The following PCDHGC3 variants were observed in gnomAD, a reference collection of about 807,000 sequenced individuals.
PCDHGC3 encodes protocadherin gamma-C3.
In PCDHGC3, 26 loss-of-function variants were observed where a neutral mutation model predicts 59.2. The ratio of observed to expected loss-of-function variants is 0.44; its 90% CI spans 0.32 to 0.61. PCDHGC3 has a LOEUF of 0.61. Ranked by LOEUF, PCDHGC3 falls within the 20% of genes least tolerant of loss-of-function variation. PCDHGC3 has a pLI of 0.05. For synonymous variants in PCDHGC3, 487 were observed against 519.7 expected (o/e 0.94, Z 0.86); for missense variants, 1,080 against 1,221.8 (o/e 0.88, Z 1.73).
Position 141,490,909 on chromosome 5 carries a change from G to C in PCDHGC3, c.2431-3898G>C. ...ATCTCTGCATGTGTTTGTCCTAGAC[G>C]AGAATGATAATGCCCCAGCTGTGCT... On this transcript the variant is annotated intron_variant, in intron 1 of 3. Coordinates refer to ENST00000308177, the MANE Select transcript of PCDHGC3 (RefSeq NM_002588.4). This position sits in a 1 kb window ranked among gnomAD's most constrained non-coding sequence, Gnocchi z 5.4. 1 of 1,613,744 alleles carries C rather than the reference G, an allele frequency of 6.2e-7. No individual in the cohort carries two copies. The highest frequency in any genetic ancestry group is 2.2e-5 in the East Asian group (1 of 44,870).
At position 141,489,632 on chromosome 5, in the gene PCDHGC3, C is replaced by T; in HGVS notation, c.2431-5175C>T. 6.2e-7 allele frequency: 1 copy of T among 1,614,138 alleles called. No homozygotes were observed. Among genetic ancestry groups the T allele is most frequent in the Non-Finnish European group, 8.5e-7 (1 of 1,180,010 alleles). Reference sequence around the variant, plus strand: ...ATCCTGGATCTCAATGACAACTCTCCTAGCTTTGCCACCCCTGAGCGAGAG... The same window carrying T: ...ATCCTGGATCTCAATGACAACTCTCTTAGCTTTGCCACCCCTGAGCGAGAG... On this transcript the variant is annotated intron_variant, in intron 1 of 3. Transcript: ENST00000308177. The surrounding 1 kb of genome is among the most constrained non-coding windows in gnomAD (Gnocchi z 4.5).
At position 141,478,382 on chromosome 5, in the gene PCDHGC3, C is replaced by A. The variant is rs1287807889; in HGVS notation, c.2266C>A (p.Leu756Ile). The change falls in exon 1 of 4, where the codon CTT (leucine) becomes ATT (isoleucine). Residue 756 changes from leucine to isoleucine, a missense_variant. Transcript: ENST00000308177. ...GCGGGGAGGCCTGATGTCGCCGCACCTTTACCATCAGGTGTATCTCACCAC... is the reference window on the plus strand; with the variant it reads ...GCGGGGAGGCCTGATGTCGCCGCACATTTACCATCAGGTGTATCTCACCAC... The part of the protein sequence containing the change: ...AVRGGLMSPH[L>I]YHQVYLTTDS... The A allele has an allele frequency of 1.2e-6, 2 of 1,613,552 alleles. No homozygotes were observed. Among genetic ancestry groups the A allele is most frequent in the South Asian group, 2.2e-5 (2 of 91,088 alleles).
At chr5:141,495,270 G>A (rs1428903664) in intron 2 of PCDHGC3, among the ~76,000 whole-genome samples, 1 of 152,178 alleles carries the variant, frequency 6.6e-6, no homozygotes, top group African/African-American at 2.4e-5. Context: ...GCATTTGACC[G>A]GAGGAGGCGG....
At position 141,507,794 on chromosome 5, in the gene PCDHGC3, C is replaced by CT. The variant is rs576191739; in HGVS notation, c.2578+2314dup. On this transcript the variant is annotated intron_variant, in intron 3 of 3. Coordinates refer to ENST00000308177, the MANE Select transcript of PCDHGC3 (RefSeq NM_002588.4). ...CACAGGGCCTGACCCTCGTCTAAGC[C>CT]TGCGCCCTGGGGAACGGACCCTGGG... 7.9e-4 allele frequency among the ~76,000 whole-genome samples: 120 copies of CT among 152,356 alleles called. 2 individuals carry two copies. The highest frequency in any genetic ancestry group is 2.8e-3 in the African/African-American group (115 of 41,592).
At chr5:141,479,685 G>C (rs749895405) in intron 1 of PCDHGC3, 2 of 152,130 alleles carry the variant, frequency 1.3e-5, no homozygotes, top group Non-Finnish European at 2.9e-5. Context: ...AGTCTTTTTG[G>C]TGCCTCCAGT....
At chr5:141,497,060 G>T (rs1244885752) in intron 2 of PCDHGC3, among the ~76,000 whole-genome samples, 1 of 151,952 alleles carries the variant, frequency 6.6e-6, no homozygotes, top group Non-Finnish European at 1.5e-5. Context: ...GTGGTGGCAG[G>T]CACCTGTAAT....
At chr5:141,496,888 T>TAA (rs35063790) in intron 2 of PCDHGC3, among the ~76,000 whole-genome samples, 141 of 134,106 alleles carry the variant, frequency 1.1e-3, no homozygotes, top group East Asian at 2.4e-3. Context: ...AAGTAACACT[T>TAA]AAAAAAAAAA....
At chr5:141,508,538 G>C (rs1383873129) in intron 3 of PCDHGC3, among the ~76,000 whole-genome samples, 1 of 152,120 alleles carries the variant, frequency 6.6e-6, no homozygotes, top group African/African-American at 2.4e-5. Flanking sequence ...CACCCCCCAC[G>C]AGGTGGGCGG....
At chr5:141,492,560 G>T (rs2099742000) in intron 1 of PCDHGC3, among the ~76,000 whole-genome samples, 1 of 152,156 alleles carries the variant, frequency 6.6e-6, no homozygotes, top group Non-Finnish European at 1.5e-5. Context: ...CCTGGGGGGC[G>T]GCCTGAGCGA....
Position 141,490,637 on chromosome 5 carries a change from A to C in PCDHGC3, c.2431-4170A>C. ...CTTTACACTGCTTACATCCTAGAAA[A>C]CCGGCCTCCGGGCTCCCTTCTTTGC... is the stretch of plus-strand genomic sequence containing the variant. On this transcript the variant is annotated intron_variant, in intron 1 of 3. Coordinates refer to ENST00000308177, the MANE Select transcript of PCDHGC3 (RefSeq NM_002588.4). This position sits in a 1 kb window ranked among gnomAD's most constrained non-coding sequence, Gnocchi z 5.4. 1 of 1,614,108 alleles carries C rather than the reference A, an allele frequency of 6.2e-7. No individual in the cohort carries two copies. Among genetic ancestry groups the C allele is most frequent in the Non-Finnish European group, 8.5e-7 (1 of 1,179,992 alleles).
intron 2 of PCDHGC3, among the ~76,000 whole-genome samples, chr5:141,500,176 A>G (rs922155744): frequency 1.4e-5 from 2 of 145,916 alleles, no homozygotes; most frequent in Admixed American, 1.4e-4. Flanking sequence ...CATGAGCTTC[A>G]TTTTTATTTT....
rs539348000 is a variant in PCDHGC3 at position 141,504,908 on chromosome 5, G to A, written c.2490-485G>A. 5.9e-5 allele frequency among the ~76,000 whole-genome samples: 9 copies of A among 152,208 alleles called. No homozygotes were observed. In the East Asian group the frequency reaches 1.7e-3, roughly 29 times the overall value. On this transcript the variant is annotated intron_variant, in intron 2 of 3. Coordinates refer to ENST00000308177, the MANE Select transcript of PCDHGC3 (RefSeq NM_002588.4). Reference sequence around the variant, plus strand: ...AGGTCTGATCTCCCTCACTATGACAGGAAGCCAGGCTCTCTCATGGTGGGT... The same window carrying A: ...AGGTCTGATCTCCCTCACTATGACAAGAAGCCAGGCTCTCTCATGGTGGGT...
rs777537045 is a variant in PCDHGC3 at position 141,490,191 on chromosome 5, A to T, written c.2431-4616A>T. The T allele has an allele frequency of 6.2e-7, 1 of 1,614,176 alleles. No homozygotes were observed. The highest frequency in any genetic ancestry group is 1.1e-5 in the South Asian group (1 of 91,082). On this transcript the variant is annotated intron_variant, in intron 1 of 3. Coordinates refer to ENST00000308177, the MANE Select transcript of PCDHGC3 (RefSeq NM_002588.4). The surrounding 1 kb of genome is among the most constrained non-coding windows in gnomAD (Gnocchi z 5.4). ...ACTTTGAGGAGTCACGTTTCTATGA[A>T]ATTCATGCAAGAGCCCGTGACCAGG...
In PCDHGC3 at chr5:141,476,575, C is replaced by A; in HGVS notation, c.459C>A (p.Arg153=). 6 of 1,614,232 alleles carry A rather than the reference C, an allele frequency of 3.7e-6. No homozygotes were observed. The highest frequency in any genetic ancestry group is 5.1e-6 in the Non-Finnish European group (6 of 1,180,042). ...EISEAVAPGT[R]FPLESAHDPD... The stretch of plus-strand genomic sequence containing the variant: ...GCGAGGCCGTGGCTCCGGGGACGCG[C>A]TTTCCGCTCGAGAGCGCGCACGATC... The change falls in exon 1 of 4, where the codon CGC becomes CGA. Residue 153 remains arginine (R), a synonymous_variant. Transcript: ENST00000308177. This position sits in a 1 kb window ranked among gnomAD's most constrained non-coding sequence, Gnocchi z 7.6.
intron 1 of PCDHGC3, among the ~76,000 whole-genome samples, chr5:141,492,927 G>A (rs925569925): frequency 2.0e-5 from 3 of 152,180 alleles, no homozygotes; most frequent in Admixed American, 6.5e-5. Context: ...AGCGATCTAG[G>A]GTCAGAGATT....
intron 2 of PCDHGC3, 117 bp downstream of exon 2, chr5:141,494,982 G>T: frequency 1.3e-6 from 2 of 1,563,940 alleles, no homozygotes; most frequent in Non-Finnish European, 1.7e-6. Flanking sequence ...CTCAGTTTGA[G>T]ATCCCAGGGA....
intron 2 of PCDHGC3, among the ~76,000 whole-genome samples, chr5:141,500,774 A>G (rs1479931234): frequency 6.6e-6 from 1 of 152,188 alleles, no homozygotes; most frequent in Non-Finnish European, 1.5e-5. Context: ...TCTTATGAAT[A>G]TACATATTAT....
Position 141,512,703 on chromosome 5 carries a change from T to C in PCDHGC3, c.*1530T>C. ...TAGCCAGTAGTGTAGTGCGGTGTGC[T>C]TTTACGTGATGGCGGGTGGGCAGCG... On this transcript the variant is annotated 3_prime_UTR_variant, in exon 4 of 4. Coordinates refer to ENST00000308177, the MANE Select transcript of PCDHGC3 (RefSeq NM_002588.4). 1 of 152,958 alleles carries C rather than the reference T, an allele frequency of 6.5e-6. No individual in the cohort carries two copies. Among genetic ancestry groups the C allele is most frequent in the East Asian group, 1.9e-4 (1 of 5,212 alleles). 9.5% of individuals were successfully genotyped at this position (152,958 alleles called of 1,614,324 possible).
chr5:141,490,605 C>A lies in PCDHGC3; in HGVS notation c.2431-4202C>A. On this transcript the variant is annotated intron_variant, in intron 1 of 3. Transcript: ENST00000308177. The surrounding 1 kb of genome is among the most constrained non-coding windows in gnomAD (Gnocchi z 5.4). ...TCAATGACAATGCACCCCGCTTCAA[C>A]CAGCAGCTTTACACTGCTTACATCC... 6.2e-6 allele frequency: 10 copies of A among 1,614,198 alleles called. No individual in the cohort carries two copies. The highest frequency in any genetic ancestry group is 8.5e-6 in the Non-Finnish European group (10 of 1,180,030).
Sources: gnomAD v4.1 joint callset for allele counts (sites outside exome capture counted in the v4.1 genomes callset) on GRCh38, gnomAD v4.1.1 for gene constraint, Gnocchi (gnomAD v3.1) non-coding constraint, MANE v1.5 for transcripts, NCBI Gene and HGNC (gene_info 2026-07-23, HGNC 2026-07-21) for gene names.